The following SIK3 variants were observed in gnomAD, a reference collection of about 807,000 sequenced individuals.
SIK3 encodes SIK family kinase 3.
In SIK3, 28 loss-of-function variants were observed where a neutral mutation model predicts 144.2. The ratio of observed to expected loss-of-function variants is 0.19; its 90% confidence interval spans 0.14 to 0.27. SIK3 has a LOEUF of 0.27. SIK3 is among the 10% of genes least tolerant of loss of function. The pLI, the probability that SIK3 is intolerant of heterozygous loss-of-function variation, is 1.00. For missense variants in SIK3, 1,319 were observed against 1,776.0 expected, an observed-to-expected ratio of 0.74 and a Z score of 4.62; for synonymous variants, 686 against 676.3, an observed-to-expected ratio of 1.01 and a Z score of -0.22.
chr11:116,926,403 GCT>G (rs1160916981), intron 4 of SIK3, among the ~76,000 whole-genome samples: 1 of 152,134 alleles, frequency 6.6e-6, no homozygotes, highest in Non-Finnish European at 1.5e-5. Flanking sequence ...AGTGAAAAGT[GCT>G]CTCAAGGCAC....
intron 17 of SIK3, 86 bp downstream of exon 17, chr11:116,862,114 ACT>A (rs1943368685): frequency 6.3e-7 from 1 of 1,582,604 alleles, no homozygotes; most frequent in Non-Finnish European, 8.7e-7. Flanking sequence ...TCCACTTTGC[ACT>A]GAGTGGTCTC....
chr11:116,989,084 G>A (rs983587621), intron 1 of SIK3, among the ~76,000 whole-genome samples: 3 of 151,986 alleles, frequency 2.0e-5, no homozygotes, highest in African/African-American at 4.8e-5. Flanking sequence ...AGAGAACACA[G>A]ATGGAAAAAA....
intron 1 of SIK3, among the ~76,000 whole-genome samples, chr11:117,030,895 T>C (rs1449860641): frequency 6.6e-6 from 1 of 152,210 alleles, no homozygotes; most frequent in African/African-American, 2.4e-5. Context: ...TGCAGTTCCC[T>C]AACGGCTAAT....
At chr11:117,077,120 T>C (rs993992448) in intron 1 of SIK3, among the ~76,000 whole-genome samples, 1 of 152,190 alleles carries the variant, frequency 6.6e-6, no homozygotes, top group Admixed American at 6.5e-5. Flanking sequence ...CACACCACAC[T>C]GCACTCTGGC....
In SIK3 at chr11:116,906,337, AG is replaced by A. The variant is rs572705006; in HGVS notation, c.617-9021del. 7.7e-4 allele frequency among the ~76,000 whole-genome samples: 117 copies of A among 152,356 alleles called. 1 individual carries two copies. Among genetic ancestry groups the A allele is most frequent in the Non-Finnish European group, 1.4e-3 (93 of 68,040 alleles). On this transcript the variant is annotated intron_variant, in intron 4 of 24. Coordinates refer to ENST00000445177, the MANE Select transcript of SIK3 (RefSeq NM_001366686.3). ...AAGGAAAGCAGAAGTTGGTTTGGGA[AG>A]AAAAAAAATTACTTTTTCTTTATGT... is the stretch of plus-strand genomic sequence containing the variant.
intron 3 of SIK3, among the ~76,000 whole-genome samples, chr11:116,935,275 T>G (rs948547635): frequency 6.6e-6 from 1 of 151,294 alleles, no homozygotes; most frequent in Non-Finnish European, 1.5e-5. Flanking sequence ...TGATAAATTA[T>G]TATTAATTAT....
At chr11:116,933,635 CCTCTCTCT>C (rs144913929) in intron 3 of SIK3, among the ~76,000 whole-genome samples, 2 of 148,708 alleles carry the variant, frequency 1.3e-5, no homozygotes, top group South Asian at 2.1e-4. Flanking sequence ...TTTCTTCCTT[CCTCTCTCT>C]CTCTCTCTCT....
chr11:117,032,480 T>C (rs1400214065), intron 1 of SIK3, among the ~76,000 whole-genome samples: 1 of 152,072 alleles, frequency 6.6e-6, no homozygotes, highest in African/African-American at 2.4e-5. Flanking sequence ...AAAAATGCAA[T>C]TGATTTTTGT....
Position 116,844,692 on chromosome 11 carries a change from A to G in SIK3, c.*951T>C, listed in dbSNP as rs1206110614. On this transcript the variant is annotated 3_prime_UTR_variant, in exon 25 of 25. Transcript: ENST00000445177. ...TACACATATATTATATTATATATAT[A>G]CACACATATATAATATATATATGGA... The G allele has an allele frequency of 1.1e-4, 11 of 99,270 alleles. No individual in the cohort carries two copies. The East Asian group carries it at 2.9e-3, about 26-fold the overall frequency. 6.1% of individuals were successfully genotyped at this position (99,270 alleles called of 1,614,324 possible). A position where few individuals can be genotyped will look rare whatever the true frequency, so the allele number is the denominator to read the frequency against.
Position 116,859,346 on chromosome 11 carries a change from C to A in SIK3, c.2684G>T (p.Arg895Leu). The A allele has an allele frequency of 6.2e-7, 1 of 1,614,156 alleles. No homozygotes were observed. Among genetic ancestry groups the A allele is most frequent in the East Asian group, 2.2e-5 (1 of 44,878 alleles). The change falls in exon 20 of 25, where the codon CGT (arginine) becomes CTT (leucine). Residue 895 changes from arginine (R) to leucine (L), a missense_variant. Physicochemically the swap from Arg to Leu is moderately radical, Grantham distance 102. Transcript: ENST00000445177. Reference protein sequence around the residue: ...PSAGQMQMQHRTNLMATLSYG... With the variant: ...PSAGQMQMQHLTNLMATLSYG... Reference sequence around the variant, plus strand: ...GCTGAGGGTGGCCATCAGGTTGGTACGGTGCTGCATCTGCATCTGACCAGC... The same window carrying A: ...GCTGAGGGTGGCCATCAGGTTGGTAAGGTGCTGCATCTGCATCTGACCAGC...
In SIK3 at chr11:116,902,798, G is replaced by C. The variant is rs184014565; in HGVS notation, c.617-5481C>G. On this transcript the variant is annotated intron_variant, in intron 4 of 24. Transcript: ENST00000445177. ...AAATCTTGCTATTCCCTGCCTACAA[G>C]ACACCTTTTACCCCCCAATTATGGG... Among the ~76,000 whole-genome samples the C allele has an allele frequency of 5.3e-4, 80 of 152,230 alleles. 1 individual carries two copies. The highest frequency in any genetic ancestry group is 3.4e-3 in the Middle Eastern group (1 of 294).
chr11:116,962,562 G>A (rs890192130), intron 1 of SIK3, among the ~76,000 whole-genome samples: 2 of 152,122 alleles, frequency 1.3e-5, no homozygotes, highest in South Asian at 2.1e-4. Flanking sequence ...TTTCAATGGG[G>A]TTATGTTTTT....
chr11:117,053,866 CG>C, intron 1 of SIK3, among the ~76,000 whole-genome samples: 1 of 152,208 alleles, frequency 6.6e-6, no homozygotes, highest in Non-Finnish European at 1.5e-5. Context: ...AGGCTGGTCT[CG>C]AACTCCTGAG....
At chr11:116,969,637 T>C (rs1430860810) in intron 1 of SIK3, among the ~76,000 whole-genome samples, 1 of 152,174 alleles carries the variant, frequency 6.6e-6, no homozygotes, top group East Asian at 1.9e-4. Context: ...AATGTACTTT[T>C]CTGGGTAGAA....
At chr11:117,091,671 G>A (rs1591691992) in intron 1 of SIK3, among the ~76,000 whole-genome samples, 1 of 152,286 alleles carries the variant, frequency 6.6e-6, no homozygotes, top group Middle Eastern at 3.4e-3. Context: ...TTCCTCTACA[G>A]TGAGAAAGAA....
rs901081151 is a variant in SIK3 at position 117,098,422 on chromosome 11, G to C, written c.-7C>G. ...TCGCCGCCGCCGCCGCCATCTTGTT[G>C]TGCAGTGAAACCTCCGGGGCCGCGG... On this transcript the variant is annotated 5_prime_UTR_variant, in exon 1 of 25. Coordinates refer to ENST00000445177, the MANE Select transcript of SIK3 (RefSeq NM_001366686.3). The C allele has an allele frequency of 1.7e-6, 2 of 1,163,386 alleles. No homozygotes were observed. The allele number at this position is 1,163,386 out of a possible 1,614,324, so 72.1% of individuals were successfully genotyped here.
intron 1 of SIK3, among the ~76,000 whole-genome samples, chr11:116,971,380 T>C (rs1030600267): frequency 6.6e-6 from 1 of 152,240 alleles, no homozygotes; most frequent in Non-Finnish European, 1.5e-5. Context: ...AATTTGACGA[T>C]GTTTCCATTA....
chr11:116,871,353 T>C (rs1943960885), intron 13 of SIK3, among the ~76,000 whole-genome samples: 1 of 152,232 alleles, frequency 6.6e-6, no homozygotes, highest in African/African-American at 2.4e-5. Flanking sequence ...GGTTCCTGGA[T>C]CCCTTCCCAC....
intron 1 of SIK3, among the ~76,000 whole-genome samples, chr11:117,014,386 C>T (rs1480675059): frequency 6.6e-6 from 1 of 152,018 alleles, no homozygotes; most frequent in Non-Finnish European, 1.5e-5. Context: ...AGCAATAAAA[C>T]TTTTAGAAGA....
Sources: allele counts gnomAD v4.1 joint callset (sites outside exome capture counted in the v4.1 genomes callset), GRCh38; gene constraint gnomAD v4.1.1; transcripts MANE v1.5; gene names NCBI Gene and HGNC (gene_info 2026-07-23, HGNC 2026-07-21).